Variants in CNTNAP2 observed in about 807,000 individuals in gnomAD.
CNTNAP2 encodes contactin-associated protein-like 2.
CNTNAP2 carries 98 observed loss-of-function variants against 155.2 expected under a neutral mutation model. The ratio of observed to expected loss-of-function variants is 0.63; its 90% CI spans 0.54 to 0.75. CNTNAP2 has a LOEUF of 0.75. Among genes scored for constraint, CNTNAP2 ranks in the 30% least tolerant of loss-of-function variants. The pLI is 0.00. For synonymous variants in CNTNAP2, 651 were observed against 631.2 expected (o/e 1.03, Z -0.47); for missense variants, 1,727 against 1,688.1 (o/e 1.02, Z -0.40).
At chr7:148,117,869 T>G (rs1804509699) in intron 15 of CNTNAP2, among the ~76,000 whole-genome samples, 1 of 150,312 alleles carries the variant, frequency 6.7e-6, no homozygotes, top group Non-Finnish European at 1.5e-5. Context: ...ATATTTAATT[T>G]TATATAGATT....
intron 1 of CNTNAP2, among the ~76,000 whole-genome samples, chr7:146,725,311 C>T (rs1358564876): frequency 6.6e-6 from 1 of 152,164 alleles, no homozygotes; most frequent in Admixed American, 6.5e-5. Context: ...GTAAAACAAC[C>T]TTTGCAGACA....
intron 13 of CNTNAP2, among the ~76,000 whole-genome samples, chr7:147,873,075 A>G (rs928195660): frequency 2.5e-4 from 38 of 152,210 alleles, no homozygotes; most frequent in African/African-American, 8.2e-4. Flanking sequence ...GTACTTATAC[A>G]TAATAAAAGC....
intron 13 of CNTNAP2, among the ~76,000 whole-genome samples, chr7:147,669,305 C>G (rs917662802): frequency 6.6e-6 from 1 of 152,140 alleles, no homozygotes; most frequent in South Asian, 2.1e-4. Flanking sequence ...AATAAATACA[C>G]TTATGCCCCA....
chr7:146,279,854 A>G (rs947257989), intron 1 of CNTNAP2, among the ~76,000 whole-genome samples: 1 of 151,784 alleles, frequency 6.6e-6, no homozygotes, highest in Non-Finnish European at 1.5e-5. Flanking sequence ...ATAAATATAT[A>G]AATAGGATAT....
At chr7:147,925,357 C>T (rs1935170094) in intron 14 of CNTNAP2, among the ~76,000 whole-genome samples, 1 of 151,570 alleles carries the variant, frequency 6.6e-6, no homozygotes, top group African/African-American at 2.4e-5. Context: ...TCATTCAACA[C>T]AGGGTAGTAT....
intron 12 of CNTNAP2, among the ~76,000 whole-genome samples, chr7:147,572,731 CACAT>C (rs927196384): frequency 1.1e-3 from 148 of 137,070 alleles, no homozygotes; most frequent in Admixed American, 1.3e-3. Flanking sequence ...CACACACACA[CACAT>C]GTTGGGAAAT....
At chr7:147,167,077 G>A (rs745725789) in intron 8 of CNTNAP2, among the ~76,000 whole-genome samples, 10 of 151,940 alleles carry the variant, frequency 6.6e-5, no homozygotes, top group Non-Finnish European at 1.3e-4. Context: ...AAAATCGGAT[G>A]GAAACTGACA....
At chr7:146,595,002 C>T (rs1798839361) in intron 1 of CNTNAP2, among the ~76,000 whole-genome samples, 2 of 151,998 alleles carry the variant, frequency 1.3e-5, no homozygotes, top group South Asian at 4.1e-4. Flanking sequence ...AACTCGAGGA[C>T]ATAAGTCATA....
At chr7:146,646,546 T>A (rs1397902875) in intron 1 of CNTNAP2, among the ~76,000 whole-genome samples, 1 of 152,170 alleles carries the variant, frequency 6.6e-6, no homozygotes, top group Non-Finnish European at 1.5e-5. Context: ...TAGTTAAATA[T>A]GTGTATTTTA....
intron 13 of CNTNAP2, among the ~76,000 whole-genome samples, chr7:147,730,710 C>T (rs1002987339): frequency 1.3e-5 from 2 of 152,000 alleles, no homozygotes; most frequent in Non-Finnish European, 2.9e-5. Flanking sequence ...ACATCTGTCA[C>T]TTTAAATCAA....
chr7:147,077,617 A>G (rs1800022661), intron 4 of CNTNAP2, among the ~76,000 whole-genome samples: 1 of 152,170 alleles, frequency 6.6e-6, no homozygotes. Flanking sequence ...CATTTTGGGT[A>G]CCATCTAGCT....
In CNTNAP2 at chr7:147,343,661, A is replaced by G. The variant is rs73740606; in HGVS notation, c.1498+43371A>G. The stretch of plus-strand genomic sequence containing the variant: ...TTATGAATAAGTTTATAGTACTGAA[A>G]TCACTCAGTGCGGCAATGATAATAC... On this transcript the variant is annotated intron_variant, in intron 9 of 23. Coordinates refer to ENST00000361727, the MANE Select transcript of CNTNAP2 (RefSeq NM_014141.6). Among the ~76,000 whole-genome samples, 5 of 152,266 alleles carry G rather than the reference A, an allele frequency of 3.3e-5. No individual in the cohort carries two copies. In the East Asian group the frequency reaches 9.7e-4, roughly 29 times the overall value.
rs577192312 is a variant in CNTNAP2, at chr7:148,413,229, TA to T, written c.3797-2183del. 2.0e-5 allele frequency among the ~76,000 whole-genome samples: 3 copies of T among 150,526 alleles called. No homozygotes were observed. The East Asian group carries it at 5.8e-4, about 29-fold the overall frequency. ...CAACACAGTGAAACCCCGTCTCTAC[TA>T]AAAATATAAAAATCAGCTGGGCGTA... On this transcript the variant is annotated intron_variant, in intron 23 of 23. Coordinates refer to ENST00000361727, the MANE Select transcript of CNTNAP2 (RefSeq NM_014141.6).
chr7:147,705,239 A>G (rs190802977), intron 13 of CNTNAP2, among the ~76,000 whole-genome samples: 200 of 152,142 alleles, frequency 1.3e-3, no homozygotes, highest in Middle Eastern at 3.4e-3. Flanking sequence ...TAGTTTTGGT[A>G]TACTACGTTT....
chr7:146,418,309 G>A (rs1403134865), intron 1 of CNTNAP2, among the ~76,000 whole-genome samples: 1 of 152,090 alleles, frequency 6.6e-6, no homozygotes, highest in Non-Finnish European at 1.5e-5. Context: ...GCACATCCCA[G>A]CACCTACTTG....
intron 13 of CNTNAP2, among the ~76,000 whole-genome samples, chr7:147,736,361 C>G (rs957146731): frequency 1.3e-5 from 2 of 152,220 alleles, no homozygotes; most frequent in African/African-American, 4.8e-5. Flanking sequence ...CCACTCTCTT[C>G]TGGCTTGTAG....
chr7:147,003,539 G>A (rs1245786207), intron 3 of CNTNAP2, among the ~76,000 whole-genome samples: 1 of 151,828 alleles, frequency 6.6e-6, no homozygotes, highest in African/African-American at 2.4e-5. Context: ...AACAACGTAA[G>A]AGTTAAAATC....
At chr7:146,727,841 T>G (rs189045329) in intron 1 of CNTNAP2, among the ~76,000 whole-genome samples, 1 of 152,302 alleles carries the variant, frequency 6.6e-6, no homozygotes, top group African/African-American at 2.4e-5. Context: ...TGTAAACATT[T>G]CTTTTTTGGA....
intron 3 of CNTNAP2, among the ~76,000 whole-genome samples, chr7:146,932,288 A>G (rs1243916114): frequency 6.6e-6 from 1 of 152,114 alleles, no homozygotes; most frequent in Non-Finnish European, 1.5e-5. Flanking sequence ...CAATATATGC[A>G]AATCAATAAA....
Sources: gnomAD v4.1 joint callset for allele counts (sites outside exome capture counted in the v4.1 genomes callset) on GRCh38, gnomAD v4.1.1 for gene constraint, MANE v1.5 for transcripts, NCBI Gene and HGNC (gene_info 2026-07-23, HGNC 2026-07-21) for gene names.